Variants in VPS35L observed in about 807,000 individuals in gnomAD.
The protein encoded by VPS35L is VPS35 endosomal protein-sorting factor-like.
VPS35L carries 83 observed loss-of-function variants against 133.0 expected under a neutral mutation model. The observed-to-expected ratio is 0.62, with a 90% confidence interval of 0.52 to 0.75. The LOEUF is 0.75. Among genes scored for constraint, VPS35L ranks in the 30% least tolerant of loss-of-function variants. The probability of loss-of-function intolerance (pLI) is 0.00; values close to 1 mark genes in which losing one functional copy is unlikely to be tolerated. For synonymous variants in VPS35L, 423 were observed against 449.9 expected (o/e 0.94, Z 0.76); for missense variants, 1,083 against 1,206.8 (o/e 0.90, Z 1.52).
intron 29 of VPS35L, among the ~76,000 whole-genome samples, chr16:19,692,180 C>A (rs959260944): frequency 2.0e-5 from 3 of 151,958 alleles, no homozygotes; most frequent in Admixed American, 6.6e-5. Flanking sequence ...CCGGCCTGGA[C>A]CTGGTGAGTC....
In VPS35L at chr16:19,560,381, G is replaced by A. The variant is rs72767550; in HGVS notation, c.18-4470G>A. Among the ~76,000 whole-genome samples the A allele has an allele frequency of 5.9e-3, 898 of 152,340 alleles. 3 individuals are homozygous for A. Among genetic ancestry groups the A allele is most frequent in the Non-Finnish European group, 1.0e-2 (678 of 68,022 alleles). On this transcript the variant is annotated intron_variant, in intron 1 of 30. Transcript: ENST00000417362. ...TCTAGCGTTTGCTCAGCTGTTGATTGTTAGTAATTCCAATAGGGACAGAAA... is the reference window on the plus strand; with the variant it reads ...TCTAGCGTTTGCTCAGCTGTTGATTATTAGTAATTCCAATAGGGACAGAAA...
At position 19,575,118 on chromosome 16, in the gene VPS35L, A is replaced by G; in HGVS notation, c.429A>G (p.Glu143=). The G allele has an allele frequency of 6.2e-7, 1 of 1,607,790 alleles. No individual in the cohort carries two copies. Among genetic ancestry groups the G allele is most frequent in the Non-Finnish European group, 8.5e-7 (1 of 1,175,976 alleles). ...TGCAGAATCTGTTTATGGGATCTGA[A>G]AAAGGTAAGATGAGTTTGTTGTTGT... ...KLSINLFMGS[E]KGKAGTATLA... Residue 143 remains glutamate (E), a synonymous_variant, in exon 5 of 31, where the codon GAA becomes GAG. Coordinates refer to ENST00000417362, the MANE Select transcript of VPS35L (RefSeq NM_020314.7).
At chr16:19,605,096 C>T (rs575839267) in intron 9 of VPS35L, among the ~76,000 whole-genome samples, 2 of 152,144 alleles carry the variant, frequency 1.3e-5, no homozygotes, top group Non-Finnish European at 2.9e-5. Flanking sequence ...CCTGGCCTTT[C>T]CAGCACATGC....
At chr16:19,619,554 G>A (rs979180162) in intron 14 of VPS35L, among the ~76,000 whole-genome samples, 1 of 152,070 alleles carries the variant, frequency 6.6e-6, no homozygotes, top group African/African-American at 2.4e-5. Flanking sequence ...GTGGTGAAAT[G>A]AGAACGCTTT....
intron 27 of VPS35L, among the ~76,000 whole-genome samples, chr16:19,679,029 T>C (rs1975162857): frequency 6.6e-6 from 1 of 152,042 alleles, no homozygotes; most frequent in South Asian, 2.1e-4. Context: ...AACATTCAGA[T>C]TGTTGTCTAT....
At chr16:19,672,266 A>T (rs1416221324) in intron 27 of VPS35L, among the ~76,000 whole-genome samples, 1 of 152,216 alleles carries the variant, frequency 6.6e-6, no homozygotes, top group Non-Finnish European at 1.5e-5. Flanking sequence ...GGGCATTTTT[A>T]AAAGCCCCCT....
chr16:19,683,978 A>C, intron 28 of VPS35L, among the ~76,000 whole-genome samples: 1 of 152,346 alleles, frequency 6.6e-6, no homozygotes, highest in South Asian at 2.1e-4. Context: ...GTGCTACACA[A>C]TAAACTGGAA....
intron 29 of VPS35L, among the ~76,000 whole-genome samples, chr16:19,697,616 C>T (rs1005465269): frequency 3.9e-5 from 6 of 151,950 alleles, no homozygotes; most frequent in East Asian, 1.9e-4. Flanking sequence ...ATCTGTGGAA[C>T]GTTGGATGGA....
At chr16:19,694,648 C>T (rs551872030) in intron 29 of VPS35L, among the ~76,000 whole-genome samples, 108 of 152,190 alleles carry the variant, frequency 7.1e-4, no homozygotes, top group African/African-American at 2.5e-3. Context: ...TACCACCACA[C>T]CCAGCTAAGT....
At chr16:19,578,257 G>A (rs565187648) in intron 5 of VPS35L, 64 of 448,246 alleles carry the variant, frequency 1.4e-4, no homozygotes, top group East Asian at 3.5e-4. Flanking sequence ...TCTGCAGCTC[G>A]ACCCTAAGTC....
At chr16:19,668,802 G>GT (rs1597415144) in intron 26 of VPS35L, among the ~76,000 whole-genome samples, 1 of 152,178 alleles carries the variant, frequency 6.6e-6, no homozygotes, top group African/African-American at 2.4e-5. Flanking sequence ...TGAAGTACAC[G>GT]TGTTGACAGC....
At chr16:19,566,910 C>T (rs1275115637) in intron 2 of VPS35L, among the ~76,000 whole-genome samples, 4 of 152,076 alleles carry the variant, frequency 2.6e-5, no homozygotes, top group African/African-American at 7.2e-5. Flanking sequence ...CCACCATGCC[C>T]AGCTAATTTT....
intron 14 of VPS35L, among the ~76,000 whole-genome samples, chr16:19,619,066 G>A (rs1036248685): frequency 1.4e-4 from 21 of 151,856 alleles, no homozygotes; most frequent in Admixed American, 7.9e-4. Context: ...GAGTAGCTGG[G>A]ACTACAGGCA....
At chr16:19,579,358 C>A (rs1170423555) in intron 6 of VPS35L, 2 of 486,592 alleles carry the variant, frequency 4.1e-6, no homozygotes, top group African/African-American at 1.9e-5. Context: ...CATTGTGATG[C>A]CTGAGCAAGG....
At chr16:19,674,184 C>CTTTCTTTTTTTTTTTTTTT (rs764022611) in intron 27 of VPS35L, among the ~76,000 whole-genome samples, 12 of 70,904 alleles carry the variant, frequency 1.7e-4, no homozygotes, top group African/African-American at 7.5e-4. Context: ...TTTTCTTTTT[C>CTTTCTTTTTTTTTTTTTTT]TTTTTTTTTT....
intron 1 of VPS35L, among the ~76,000 whole-genome samples, chr16:19,564,506 C>G (rs1312984027): frequency 6.6e-6 from 1 of 152,122 alleles, no homozygotes; most frequent in Non-Finnish European, 1.5e-5. Context: ...TCAAGCGATT[C>G]TTCTGCGTCA....
chr16:19,623,802 A>C (rs1197229516), intron 14 of VPS35L, among the ~76,000 whole-genome samples: 1 of 98,044 alleles, frequency 1.0e-5, no homozygotes, highest in Non-Finnish European at 2.1e-5. Context: ...TATTATTATT[A>C]TTATTATTAT....
rs746876929 is a variant in VPS35L, at chr16:19,650,431, A to G, written c.2078A>G (p.His693Arg). Residue 693 changes from histidine (H) to arginine (R), a missense_variant, in exon 25 of 31, where the codon CAT (histidine) becomes CGT (arginine). Coordinates refer to ENST00000417362, the MANE Select transcript of VPS35L (RefSeq NM_020314.7). The part of the protein sequence containing the change: ...METRKVMKGN[H>R]SRKTAAFVRA... Reference sequence around the variant, plus strand: ...ACAAGAAAAGTAATGAAAGGAAATCATTCCAGAAAGACAGCTGCATTTGTC... The same window carrying G: ...ACAAGAAAAGTAATGAAAGGAAATCGTTCCAGAAAGACAGCTGCATTTGTC... 4 of 1,613,794 alleles carry G rather than the reference A, an allele frequency of 2.5e-6. No individual in the cohort carries two copies. In the African/African-American group the frequency reaches 5.3e-5, roughly 22 times the overall value.
At chr16:19,684,086 CAG>C (rs1179785817) in intron 28 of VPS35L, among the ~76,000 whole-genome samples, 1 of 152,176 alleles carries the variant, frequency 6.6e-6, no homozygotes, top group Non-Finnish European at 1.5e-5. Flanking sequence ...AACTGCTCCT[CAG>C]ATGATGCCAA....
Sources: allele counts gnomAD v4.1 joint callset (sites outside exome capture counted in the v4.1 genomes callset), GRCh38; gene constraint gnomAD v4.1.1; transcripts MANE v1.5; gene names NCBI Gene and HGNC (gene_info 2026-07-23, HGNC 2026-07-21).